Variants in FGD4 observed in about 807,000 individuals in gnomAD.
The protein encoded by FGD4 is FYVE, RhoGEF and PH domain-containing protein 4.
Under a neutral mutation model 102.0 loss-of-function variants are expected in FGD4, and 42 were observed. The ratio of observed to expected loss-of-function variants is 0.41; its 90% CI spans 0.32 to 0.53. The LOEUF is 0.53. FGD4 is among the 20% of genes least tolerant of loss of function. The pLI is 0.21. For missense variants in FGD4, 902 were observed against 1,078.2 expected (o/e 0.84, Z 2.29); for synonymous variants, 380 against 375.7 (o/e 1.01, Z -0.13).
chr12:32,527,367 G>A (rs899788698), intron 1 of FGD4, among the ~76,000 whole-genome samples: 2 of 152,150 alleles, frequency 1.3e-5, no homozygotes, highest in African/African-American at 4.8e-5. Flanking sequence ...TCCCTTTGCA[G>A]TCCTGCCCTC....
intron 1 of FGD4, among the ~76,000 whole-genome samples, chr12:32,406,885 C>A (rs979829902): frequency 6.6e-6 from 1 of 151,844 alleles, no homozygotes; most frequent in Non-Finnish European, 1.5e-5. Context: ...GTGATCTCAG[C>A]TCACTGCAAC....
chr12:32,400,579 C>T (rs902100074), intron 1 of FGD4, among the ~76,000 whole-genome samples: 5 of 152,200 alleles, frequency 3.3e-5, no homozygotes, highest in African/African-American at 9.7e-5. Flanking sequence ...TTAAAGAAGT[C>T]CTCAAGGTGA....
intron 1 of FGD4, among the ~76,000 whole-genome samples, chr12:32,411,365 C>G (rs974354533): frequency 4.0e-5 from 6 of 151,868 alleles, no homozygotes; most frequent in African/African-American, 1.4e-4. Flanking sequence ...GAAACCCCCT[C>G]TCTACTAAAA....
chr12:32,600,010 T>C (rs897574777), intron 5 of FGD4, among the ~76,000 whole-genome samples: 1 of 152,182 alleles, frequency 6.6e-6, no homozygotes, highest in Admixed American at 6.5e-5. Flanking sequence ...AAACAGGCAA[T>C]CCTGTGCATA....
chr12:32,627,352 C>T (rs1031874308), intron 14 of FGD4, among the ~76,000 whole-genome samples: 1 of 151,906 alleles, frequency 6.6e-6, no homozygotes, highest in South Asian at 2.1e-4. Flanking sequence ...GACGGGGTTT[C>T]ACCATGTTGG....
chr12:32,563,974 A>C (rs1006507084), intron 1 of FGD4, among the ~76,000 whole-genome samples, 163 bp from the exon 2 acceptor site: 15 of 139,020 alleles, frequency 1.1e-4, no homozygotes, highest in Admixed American at 9.5e-4. Context: ...TCGGCTCGGC[A>C]TCAGAGGGAG....
intron 1 of FGD4, among the ~76,000 whole-genome samples, chr12:32,551,299 T>C (rs1409774268): frequency 6.6e-6 from 1 of 152,196 alleles, no homozygotes; most frequent in African/African-American, 2.4e-5. Context: ...TCCCCTGGCA[T>C]CATGCAGCAT....
intron 1 of FGD4, among the ~76,000 whole-genome samples, chr12:32,556,085 C>G (rs984286076): frequency 9.9e-5 from 15 of 152,058 alleles, no homozygotes; most frequent in Non-Finnish European, 1.8e-4. Flanking sequence ...AAGCAGTCCT[C>G]TCTCCGTGGC....
intron 2 of FGD4, among the ~76,000 whole-genome samples, chr12:32,571,913 A>G (rs1337896809): frequency 1.3e-5 from 2 of 152,126 alleles, no homozygotes; most frequent in African/African-American, 4.8e-5. Context: ...TTTCAAAAGA[A>G]AATGAAGCCA....
chr12:32,563,678 G>A (rs899444056), intron 1 of FGD4, among the ~76,000 whole-genome samples: 1 of 152,140 alleles, frequency 6.6e-6, no homozygotes. Context: ...GTAGCGAGCC[G>A]CGATCACGCC....
chr12:32,605,139 A>T (rs903984475), intron 7 of FGD4, among the ~76,000 whole-genome samples: 1 of 151,392 alleles, frequency 6.6e-6, no homozygotes, highest in Non-Finnish European at 1.5e-5. Flanking sequence ...GGGTTTCGCC[A>T]TGTTGGCCAG....
At position 32,453,235 on chromosome 12, in the gene FGD4, A is replaced by T. The variant is rs1228270910; in HGVS notation, c.166+53276A>T. 2.7e-3 allele frequency among the ~76,000 whole-genome samples: 134 copies of T among 49,768 alleles called. 1 individual carries two copies. The highest frequency in any genetic ancestry group is 6.7e-3 in the South Asian group (10 of 1,494). The allele number at this position is 49,768 out of a possible 152,430, so 32.6% of individuals were successfully genotyped here. ...ATATATATATAATATAGATATATAT[A>T]TATTTTTTTTTTTTTAAATGTAGAG... is the stretch of plus-strand genomic sequence containing the variant. On this transcript the variant is annotated intron_variant, in intron 1 of 16. Coordinates refer to ENST00000534526, the MANE Select transcript of FGD4 (RefSeq NM_001370298.3).
intron 1 of FGD4, among the ~76,000 whole-genome samples, chr12:32,448,914 A>T (rs1942696061): frequency 6.6e-6 from 1 of 152,200 alleles, no homozygotes. Flanking sequence ...ACATGAATAC[A>T]TTAAATAATA....
Position 32,619,762 on chromosome 12 carries a change from G to C in FGD4, c.1814G>C (p.Arg605Pro), listed in dbSNP as rs779572971. 1 of 1,614,062 alleles carries C rather than the reference G, an allele frequency of 6.2e-7. No individual in the cohort carries two copies. Among genetic ancestry groups the C allele is most frequent in the Non-Finnish European group, 8.5e-7 (1 of 1,180,026 alleles). ...TTGGTAGGCTCTAAATTCACAGTTC[G>C]AACCAGGGTTGGCATTGATGGAATG... ...FSLVGSKFTV[R>P]TRVGIDGMKI... Residue 605 changes from arginine (R) to proline (P), a missense_variant, in exon 11 of 17, where the codon CGA becomes CCA. Transcript: ENST00000534526.
intron 15 of FGD4, among the ~76,000 whole-genome samples, chr12:32,634,196 C>T (rs1049863203): frequency 6.6e-5 from 10 of 151,852 alleles, no homozygotes; most frequent in African/African-American, 1.9e-4. Context: ...ACATTGATTT[C>T]GTGGCAGTAG....
At chr12:32,496,212 C>CT (rs1240773460) in intron 1 of FGD4, among the ~76,000 whole-genome samples, 1 of 152,102 alleles carries the variant, frequency 6.6e-6, no homozygotes, top group Non-Finnish European at 1.5e-5. Context: ...TGCTTTGGTC[C>CT]TTTAGGATAT....
chr12:32,469,947 C>T (rs1943372658), intron 1 of FGD4, among the ~76,000 whole-genome samples: 1 of 152,210 alleles, frequency 6.6e-6, no homozygotes, highest in South Asian at 2.1e-4. Flanking sequence ...GCATGAGCCA[C>T]TGTGCCTGGC....
intron 1 of FGD4, among the ~76,000 whole-genome samples, chr12:32,447,746 A>ACGTG (rs1244058363): frequency 1.3e-5 from 2 of 152,242 alleles, no homozygotes; most frequent in Non-Finnish European, 2.9e-5. Flanking sequence ...TTGGTTAAAT[A>ACGTG]CGTGATAGGG....
At chr12:32,425,485 A>G (rs954178676) in intron 1 of FGD4, among the ~76,000 whole-genome samples, 8 of 152,174 alleles carry the variant, frequency 5.3e-5, no homozygotes, top group African/African-American at 1.9e-4. Flanking sequence ...GCCTTGCAGT[A>G]CAGTTTGAAG....
Sources: gnomAD v4.1 joint callset for allele counts (sites outside exome capture counted in the v4.1 genomes callset) on GRCh38, gnomAD v4.1.1 for gene constraint, MANE v1.5 for transcripts, NCBI Gene and HGNC (gene_info 2026-07-23, HGNC 2026-07-21) for gene names.